The following TIAL1 variants were observed in gnomAD, a reference collection of about 807,000 sequenced individuals.
TIAL1 encodes nucleolysin TIAR.
TIAL1 carries 7 observed loss-of-function variants against 59.7 expected under a neutral mutation model. The ratio of observed to expected loss-of-function variants is 0.12; its 90% CI spans 0.07 to 0.22. The LOEUF is 0.22. Among genes scored for constraint, TIAL1 ranks in the 10% least tolerant of loss-of-function variants. The probability of loss-of-function intolerance (pLI) is 1.00; values close to 1 mark genes in which losing one functional copy is unlikely to be tolerated. For synonymous variants in TIAL1, 149 were observed against 146.3 expected (o/e 1.02, Z -0.13); for missense variants, 225 against 462.5 (o/e 0.49, Z 4.71).
chr10:119,585,451 TAAA>T (rs11338069), intron 2 of TIAL1, among the ~76,000 whole-genome samples: 6 of 138,372 alleles, frequency 4.3e-5, no homozygotes, highest in Admixed American at 7.2e-5. Flanking sequence ...CCCTGTCTCT[TAAA>T]AAAAAAAAAA....
At chr10:119,585,645 G>T (rs983473794) in intron 2 of TIAL1, among the ~76,000 whole-genome samples, 3 of 151,916 alleles carry the variant, frequency 2.0e-5, no homozygotes, top group East Asian at 1.9e-4. Context: ...GTATACATGG[G>T]GTTTTAAAAA....
At chr10:119,579,545 A>G (rs1477628943) in intron 6 of TIAL1, among the ~76,000 whole-genome samples, 1 of 152,188 alleles carries the variant, frequency 6.6e-6, no homozygotes, top group Non-Finnish European at 1.5e-5. Flanking sequence ...CCAGTTATAT[A>G]AGAGTATGAA....
chr10:119,582,355 C>A lies in TIAL1; in HGVS notation c.228+104G>T. On this transcript the variant is annotated intron_variant, in intron 3 of 11. Transcript: ENST00000436547. The surrounding 1 kb of genome is among the most constrained non-coding windows in gnomAD (Gnocchi z 5.1). ...TAAGCTGAATAAAGCAAAACCATCACTCAGCAGCCGAATATCTGCTCAAAA... is the reference window on the plus strand; with the variant it reads ...TAAGCTGAATAAAGCAAAACCATCAATCAGCAGCCGAATATCTGCTCAAAA... The A allele has an allele frequency of 6.8e-7, 1 of 1,477,150 alleles. No individual in the cohort carries two copies. 91.5% of individuals were successfully genotyped at this position (1,477,150 alleles called of 1,614,324 possible).
intron 9 of TIAL1, 47 bp downstream of exon 9, chr10:119,577,404 A>C: frequency 6.5e-7 from 1 of 1,548,468 alleles, no homozygotes; most frequent in Non-Finnish European, 8.8e-7. Flanking sequence ...AGTGAAAGGA[A>C]TGAATCAAAT....
intron 2 of TIAL1, among the ~76,000 whole-genome samples, chr10:119,584,383 T>TAA (rs34886864): frequency 1.3e-5 from 2 of 148,246 alleles, no homozygotes; most frequent in African/African-American, 5.0e-5. Flanking sequence ...ACATCTAAAG[T>TAA]AAAAAAAAAA....
At chr10:119,580,273 G>A (rs558539431) in intron 5 of TIAL1, 2 of 391,188 alleles carry the variant, frequency 5.1e-6, no homozygotes, top group South Asian at 1.3e-4. Flanking sequence ...AAGATTAATA[G>A]GAACAACAGT....
Position 119,575,809 on chromosome 10 carries a change from A to C in TIAL1, c.1002-18T>G. 2 of 1,529,762 alleles carry C rather than the reference A, an allele frequency of 1.3e-6. No homozygotes were observed. The allele number at this position is 1,529,762 out of a possible 1,614,324, so 94.8% of individuals were successfully genotyped here. ...GTGATTGACTTGGAAGAAAAAGAAA[A>C]AATCTTCAGCAAACACAAGAAAAAA... On this transcript the variant is annotated intron_variant, in intron 11 of 11. Coordinates refer to ENST00000436547, the MANE Select transcript of TIAL1 (RefSeq NM_003252.4).
intron 1 of TIAL1, among the ~76,000 whole-genome samples, chr10:119,589,114 G>C (rs1361355322): frequency 6.6e-6 from 1 of 152,166 alleles, no homozygotes; most frequent in African/African-American, 2.4e-5. Context: ...GGCTGAGTAA[G>C]GTTGTTTGCA....
At chr10:119,593,732 T>G (rs1426919344) in intron 1 of TIAL1, among the ~76,000 whole-genome samples, 1 of 152,294 alleles carries the variant, frequency 6.6e-6, no homozygotes, top group South Asian at 2.1e-4. Flanking sequence ...TTATATCTAA[T>G]AGAACCCTTT....
intron 1 of TIAL1, among the ~76,000 whole-genome samples, chr10:119,588,971 G>A (rs1440102515): frequency 6.6e-6 from 1 of 152,062 alleles, no homozygotes; most frequent in Non-Finnish European, 1.5e-5. Flanking sequence ...TAAAACATCT[G>A]ATTGTAATAG....
At chr10:119,589,001 G>A (rs1845715817) in intron 1 of TIAL1, among the ~76,000 whole-genome samples, 1 of 152,148 alleles carries the variant, frequency 6.6e-6, no homozygotes, top group Non-Finnish European at 1.5e-5. Context: ...CATAAAGTGA[G>A]TTTATCTTAG....
rs112569761 is a variant in TIAL1 at position 119,584,688 on chromosome 10, G to A, written c.130-2131C>T. ...ACCAAAAATACAAAAAATTAGCTGG[G>A]TGTGGTGGCGGGCGCCTGTAATCCC... On this transcript the variant is annotated intron_variant, in intron 2 of 11. Transcript: ENST00000436547. 4.5e-3 allele frequency among the ~76,000 whole-genome samples: 690 copies of A among 152,270 alleles called. 3 individuals are homozygous for A. The highest frequency in any genetic ancestry group is 0.016 in the African/African-American group (656 of 41,558).
intron 1 of TIAL1, among the ~76,000 whole-genome samples, chr10:119,596,060 G>T (rs1846167339): frequency 7.2e-6 from 1 of 139,068 alleles, no homozygotes; most frequent in African/African-American, 2.6e-5. Context: ...ACCCCCGCCA[G>T]GCCCTTCCCC....
Position 119,575,368 on chromosome 10 carries a change from T to C in TIAL1, c.*297A>G. On this transcript the variant is annotated 3_prime_UTR_variant, in exon 12 of 12. Transcript: ENST00000436547. ...ATGGAATAGTATCTAAGAATCAAAA[T>C]GTATTAGCCATTTTTCCTATTATAT... 4.0e-6 allele frequency: 1 copy of C among 249,776 alleles called. No individual in the cohort carries two copies. The highest frequency in any genetic ancestry group is 4.8e-5 in the South Asian group (1 of 20,730). The allele number at this position is 249,776 out of a possible 1,614,324, so 15.5% of individuals were successfully genotyped here. A position where few individuals can be genotyped will look rare whatever the true frequency, so the allele number is the denominator to read the frequency against.
Position 119,582,425 on chromosome 10 carries a change from G to A in TIAL1, c.228+34C>T. Reference sequence around the variant, plus strand: ...AAACTAGTTTGACATGCAAATATATGTACTCATAAGGTGCCATCATCCTAT... The same window carrying A: ...AAACTAGTTTGACATGCAAATATATATACTCATAAGGTGCCATCATCCTAT... On this transcript the variant is annotated intron_variant, in intron 3 of 11. Coordinates refer to ENST00000436547, the MANE Select transcript of TIAL1 (RefSeq NM_003252.4). This position sits in a 1 kb window ranked among gnomAD's most constrained non-coding sequence, Gnocchi z 5.1. The A allele has an allele frequency of 6.4e-7, 1 of 1,558,210 alleles. No homozygotes were observed. Among genetic ancestry groups the A allele is most frequent in the African/African-American group, 1.4e-5 (1 of 72,532 alleles).
intron 7 of TIAL1, among the ~76,000 whole-genome samples, chr10:119,577,949 G>A (rs1845092932): frequency 1.3e-5 from 2 of 151,988 alleles, no homozygotes; most frequent in Admixed American, 1.3e-4. Flanking sequence ...AATTAAGGCA[G>A]GGCACGGTGG....
intron 1 of TIAL1, among the ~76,000 whole-genome samples, chr10:119,591,194 A>AG (rs1188864868): frequency 6.6e-6 from 1 of 152,256 alleles, no homozygotes; most frequent in African/African-American, 2.4e-5. Flanking sequence ...ACTTGAGGTC[A>AG]GGAGTTCAAG....
Position 119,581,967 on chromosome 10 carries a change from G to C in TIAL1, c.326C>G (p.Thr109Arg). Residue 109 changes from threonine to arginine, a missense_variant, in exon 5 of 12, where the codon ACA becomes AGA. Thr to Arg is a moderately conservative substitution (Grantham distance 71, BLOSUM62 -1). Coordinates refer to ENST00000436547, the MANE Select transcript of TIAL1 (RefSeq NM_003252.4). ...VFVGDLSPEITTEDIKSAFAP... is the reference protein window; with the variant it reads ...VFVGDLSPEIRTEDIKSAFAP... ...AAATGCTGATTTGATATCTTCTGTT[G>C]TAATTTCTGGACTCAAATCCCCAAC... 5 of 1,613,464 alleles carry C rather than the reference G, an allele frequency of 3.1e-6. No homozygotes were observed. The highest frequency in any genetic ancestry group is 4.2e-6 in the Non-Finnish European group (5 of 1,179,616).
intron 1 of TIAL1, among the ~76,000 whole-genome samples, chr10:119,594,135 A>G (rs987752031): frequency 2.0e-5 from 3 of 152,068 alleles, no homozygotes; most frequent in African/African-American, 7.2e-5. Context: ...AATAGTAAAC[A>G]CGTACTGACA....
Sources: gnomAD v4.1 joint callset for allele counts (sites outside exome capture counted in the v4.1 genomes callset) on GRCh38, gnomAD v4.1.1 for gene constraint, Gnocchi (gnomAD v3.1) non-coding constraint, MANE v1.5 for transcripts, NCBI Gene and HGNC (gene_info 2026-07-23, HGNC 2026-07-21) for gene names.